Variants in PHACTR1 observed in about 807,000 individuals in gnomAD.
The protein encoded by PHACTR1 is RPEL repeat containing 1.
In PHACTR1, 16 loss-of-function variants were observed where a neutral mutation model predicts 69.2. The observed-to-expected ratio is 0.23, with a 90% CI of 0.16 to 0.35. The LOEUF (loss-of-function observed/expected upper bound fraction) is 0.35, where lower values mean the gene tolerates loss of function less well. Ranked by LOEUF, PHACTR1 falls within the 10% of genes least tolerant of loss-of-function variation. The pLI is 1.00. For missense variants in PHACTR1, 510 were observed against 734.7 expected (o/e 0.69, Z 3.54); for synonymous variants, 312 against 284.5 (o/e 1.10, Z -0.97).
intron 4 of PHACTR1, among the ~76,000 whole-genome samples, chr6:12,854,874 A>G (rs1425646360): frequency 2.0e-5 from 3 of 152,210 alleles, no homozygotes; most frequent in Non-Finnish European, 4.4e-5. Flanking sequence ...CTATTATTAA[A>G]AAGTCAAAAA....
rs550035147 is a variant in PHACTR1, at chr6:12,852,443, T to C, written c.250+102653T>C. On this transcript the variant is annotated intron_variant, in intron 4 of 14. Transcript: ENST00000332995. Reference sequence around the variant, plus strand: ...GCAGAACGGGATGGTACAGCAGAAGTCAGGAACCAGATTCTGAATCTGCCG... The same window carrying C: ...GCAGAACGGGATGGTACAGCAGAAGCCAGGAACCAGATTCTGAATCTGCCG... Among the ~76,000 whole-genome samples the C allele has an allele frequency of 2.0e-5, 3 of 152,106 alleles. No homozygotes were observed. The South Asian group carries it at 6.2e-4, about 31-fold the overall frequency.
chr6:13,240,344 G>T (rs776262133), intron 10 of PHACTR1, among the ~76,000 whole-genome samples: 1 of 152,030 alleles, frequency 6.6e-6, no homozygotes, highest in African/African-American at 2.4e-5. Context: ...CCCCTAATCT[G>T]TAATGATTGT....
intron 4 of PHACTR1, among the ~76,000 whole-genome samples, chr6:12,761,404 G>T (rs1381818953): frequency 6.6e-6 from 1 of 152,136 alleles, no homozygotes; most frequent in African/African-American, 2.4e-5. Context: ...CCATTTCCAT[G>T]CTTCCACTGT....
intron 4 of PHACTR1, among the ~76,000 whole-genome samples, chr6:13,022,373 TAG>T (rs1801100609): frequency 6.6e-6 from 1 of 152,230 alleles, no homozygotes; most frequent in Non-Finnish European, 1.5e-5. Flanking sequence ...GATCAGGGGT[TAG>T]TAAACTATGG....
At chr6:12,933,762 C>A in intron 4 of PHACTR1, 1 of 1,612,870 alleles carries the variant, frequency 6.2e-7, no homozygotes. Context: ...CCTACATACA[C>A]TACATCAGCC....
At chr6:12,749,494 T>C in intron 3 of PHACTR1, 150 bp from the exon 4 acceptor site, 1 of 666,214 alleles carries the variant, frequency 1.5e-6, no homozygotes. Flanking sequence ...TTTTTTTTCC[T>C]TTTTCCCTCT....
At chr6:12,960,179 A>G (rs6901136) in intron 4 of PHACTR1, among the ~76,000 whole-genome samples, 1,714 of 152,312 alleles carry the variant, frequency 0.011, 30 homozygotes, top group African/African-American at 0.04. Flanking sequence ...TTGGAGAGTA[A>G]CATTGCTTTA....
rs1346625723 is a variant in PHACTR1 at position 13,133,903 on chromosome 6, C to T, written c.416-26301C>T. Among the ~76,000 whole-genome samples, 5 of 150,384 alleles carry T rather than the reference C, an allele frequency of 3.3e-5. No individual in the cohort carries two copies. In the South Asian group the frequency reaches 6.3e-4, roughly 19 times the overall value. ...CTAGGAAGTGAGGAGTGTCTCTGCC[C>T]GGCCGCCCATCGTCTGAGATGTGGG... On this transcript the variant is annotated intron_variant, in intron 5 of 14. Transcript: ENST00000332995.
chr6:12,911,254 GT>G (rs1786350002), intron 4 of PHACTR1, among the ~76,000 whole-genome samples: 1 of 152,078 alleles, frequency 6.6e-6, no homozygotes, highest in African/African-American at 2.4e-5. Context: ...TTGTAGGTTC[GT>G]TTCAATTTTC....
chr6:12,828,650 C>T (rs1777068957), intron 4 of PHACTR1, among the ~76,000 whole-genome samples: 1 of 151,898 alleles, frequency 6.6e-6, no homozygotes, highest in Non-Finnish European at 1.5e-5. Context: ...TTTCTGTTTC[C>T]CTCTGTTTCT....
intron 4 of PHACTR1, among the ~76,000 whole-genome samples, chr6:12,950,726 C>A (rs1475038398): frequency 6.6e-6 from 1 of 152,182 alleles, no homozygotes; most frequent in East Asian, 1.9e-4. Context: ...CTGCCCTAGG[C>A]CCCTGACAGG....
chr6:12,790,806 A>T (rs1411646496), intron 4 of PHACTR1, among the ~76,000 whole-genome samples: 2 of 152,206 alleles, frequency 1.3e-5, no homozygotes, highest in Non-Finnish European at 2.9e-5. Context: ...ATCCAGCTTG[A>T]TGTTGAAATT....
At chr6:13,099,564 TC>T (rs1272502664) in intron 5 of PHACTR1, among the ~76,000 whole-genome samples, 1 of 152,184 alleles carries the variant, frequency 6.6e-6, no homozygotes, top group Non-Finnish European at 1.5e-5. Flanking sequence ...CAAAAATCAC[TC>T]CCAGTGGAGA....
intron 3 of PHACTR1, among the ~76,000 whole-genome samples, chr6:12,723,620 C>G (rs780521453): frequency 2.0e-5 from 3 of 151,894 alleles, no homozygotes; most frequent in Non-Finnish European, 2.9e-5. Flanking sequence ...CTCATTCTCC[C>G]AAGTACCTGT....
At chr6:13,077,914 G>A (rs111831720) in intron 5 of PHACTR1, among the ~76,000 whole-genome samples, 119 of 152,266 alleles carry the variant, frequency 7.8e-4, no homozygotes, top group Admixed American at 1.6e-3. Flanking sequence ...CTGACCCTGG[G>A]TGACTGGGTG....
chr6:13,268,327 A>G (rs1448778256), intron 10 of PHACTR1, among the ~76,000 whole-genome samples: 4 of 152,214 alleles, frequency 2.6e-5, no homozygotes, highest in Non-Finnish European at 5.9e-5. Context: ...AGTCAAATCC[A>G]GTGCACCAGG....
At chr6:12,780,140 G>A (rs1308061218) in intron 4 of PHACTR1, among the ~76,000 whole-genome samples, 1 of 152,080 alleles carries the variant, frequency 6.6e-6, no homozygotes, top group African/African-American at 2.4e-5. Flanking sequence ...TTATATTTTA[G>A]TATTATTGTT....
chr6:13,219,511 G>A (rs966004020), intron 8 of PHACTR1, among the ~76,000 whole-genome samples: 4 of 152,116 alleles, frequency 2.6e-5, no homozygotes, highest in African/African-American at 4.8e-5. Context: ...CCCACTGCAC[G>A]ACCCCTTTTT....
chr6:12,989,179 A>G (rs1235667536), intron 4 of PHACTR1, among the ~76,000 whole-genome samples: 1 of 152,376 alleles, frequency 6.6e-6, no homozygotes. Context: ...TGGGCAAGCC[A>G]TCTATTCACT....
Sources: gnomAD v4.1 joint callset for allele counts (sites outside exome capture counted in the v4.1 genomes callset) on GRCh38, gnomAD v4.1.1 for gene constraint, MANE v1.5 for transcripts, NCBI Gene and HGNC (gene_info 2026-07-23, HGNC 2026-07-21) for gene names.